Variants in RBKS observed in about 807,000 individuals in gnomAD.
The protein encoded by RBKS is ribokinase.
In RBKS, 33 loss-of-function variants were observed where a neutral mutation model predicts 33.9. The observed-to-expected ratio is 0.97, with a 90% CI of 0.74 to 1.30. The LOEUF (loss-of-function observed/expected upper bound fraction) is 1.30. RBKS is among the 50% of genes most tolerant of loss of function. The pLI is 0.00. For synonymous variants in RBKS, 125 were observed against 143.0 expected, an observed-to-expected ratio of 0.87 and a Z score of 0.90; for missense variants, 361 against 392.6, an observed-to-expected ratio of 0.92 and a Z score of 0.68.
chr2:27,802,297 G>A (rs559272418), intron 7 of RBKS, among the ~76,000 whole-genome samples: 8 of 151,976 alleles, frequency 5.3e-5, no homozygotes, highest in Non-Finnish European at 1.2e-4. Flanking sequence ...AATTCAACAT[G>A]AGATTTAGCA....
chr2:27,883,658 G>A (rs1472351865), intron 1 of RBKS, among the ~76,000 whole-genome samples: 2 of 152,114 alleles, frequency 1.3e-5, no homozygotes, highest in Non-Finnish European at 2.9e-5. Flanking sequence ...AGCTGGCAAA[G>A]GAATGGATTG....
At chr2:27,843,331 C>T (rs1366123003) in intron 4 of RBKS, 100 bp from the exon 5 acceptor site, 6 of 860,188 alleles carry the variant, frequency 7.0e-6, no homozygotes, top group Non-Finnish European at 1.0e-5. Context: ...AGTCATTATA[C>T]AAAATGTGTT....
chr2:27,835,419 C>A, intron 5 of RBKS, among the ~76,000 whole-genome samples: 1 of 113,220 alleles, frequency 8.8e-6, no homozygotes, highest in Admixed American at 9.9e-5. Flanking sequence ...TTTGTACTAC[C>A]CACCCACCCC....
chr2:27,801,464 T>TACATACACAC (rs1231907303), intron 7 of RBKS, among the ~76,000 whole-genome samples: 4 of 136,260 alleles, frequency 2.9e-5, no homozygotes, highest in Admixed American at 2.2e-4. Context: ...GGCCACAGTA[T>TACATACACAC]ACACACACAC....
chr2:27,854,378 G>T (rs1209569578), intron 2 of RBKS, among the ~76,000 whole-genome samples: 1 of 152,186 alleles, frequency 6.6e-6, no homozygotes, highest in African/African-American at 2.4e-5. Flanking sequence ...TACCGAGTTA[G>T]GAGGCCAGCA....
At chr2:27,812,302 G>A (rs941654652) in intron 7 of RBKS, among the ~76,000 whole-genome samples, 5 of 152,102 alleles carry the variant, frequency 3.3e-5, no homozygotes, top group African/African-American at 1.2e-4. Flanking sequence ...ACAGTGTGGC[G>A]ATTCCTCAAG....
chr2:27,858,601 G>A (rs1048051683), intron 1 of RBKS, 30 bp from the exon 2 acceptor site: 3 of 1,599,190 alleles, frequency 1.9e-6, no homozygotes, highest in Non-Finnish European at 1.7e-6. Flanking sequence ...GAAGAAAAAA[G>A]CATATTGGTA....
At chr2:27,862,994 G>A (rs1479969983) in intron 1 of RBKS, among the ~76,000 whole-genome samples, 1 of 138,046 alleles carries the variant, frequency 7.2e-6, no homozygotes, top group Non-Finnish European at 1.5e-5. Context: ...ACTATGATTT[G>A]TTCTAATTAA....
At chr2:27,830,521 C>A (rs1002938355) in intron 6 of RBKS, among the ~76,000 whole-genome samples, 7 of 152,172 alleles carry the variant, frequency 4.6e-5, no homozygotes, top group Admixed American at 1.3e-4. Context: ...ACCTTGGCCT[C>A]CCAAAGTGCT....
chr2:27,858,589 G>C lies in RBKS; in HGVS notation c.90-18C>G. On this transcript the variant is annotated intron_variant, in intron 1 of 7. Transcript: ENST00000302188. ...AAGTAAGACTATTGTAATTTAAAAA[G>C]AGAAGAAAAAAGCATATTGGTAACT... 1 of 1,606,064 alleles carries C rather than the reference G, an allele frequency of 6.2e-7. No homozygotes were observed. The highest frequency in any genetic ancestry group is 1.7e-5 in the Admixed American group (1 of 58,300).
At chr2:27,871,800 G>A (rs906901045) in intron 1 of RBKS, among the ~76,000 whole-genome samples, 3 of 152,168 alleles carry the variant, frequency 2.0e-5, no homozygotes, top group African/African-American at 7.2e-5. Context: ...CACTGATAGG[G>A]TTTTGATATA....
chr2:27,859,946 C>G (rs1467429237), intron 1 of RBKS, among the ~76,000 whole-genome samples: 1 of 152,158 alleles, frequency 6.6e-6, no homozygotes, highest in Non-Finnish European at 1.5e-5. Flanking sequence ...CAATAAAGAC[C>G]AAGCTCAACC....
intron 5 of RBKS, among the ~76,000 whole-genome samples, chr2:27,839,208 TAAG>T (rs747203444): frequency 2.6e-5 from 4 of 152,210 alleles, no homozygotes; most frequent in Non-Finnish European, 5.9e-5. Context: ...GATGGCCAGA[TAAG>T]AAGTTTTGTT....
chr2:27,794,815 G>C (rs1036554665), intron 7 of RBKS, among the ~76,000 whole-genome samples: 8 of 151,996 alleles, frequency 5.3e-5, no homozygotes, highest in Non-Finnish European at 1.0e-4. Flanking sequence ...GTAGAGACAG[G>C]GTTTCAACAT....
intron 5 of RBKS, among the ~76,000 whole-genome samples, chr2:27,842,297 G>A (rs1245937151): frequency 6.6e-6 from 1 of 152,154 alleles, no homozygotes; most frequent in Non-Finnish European, 1.5e-5. Flanking sequence ...TTAGCTACAG[G>A]TTGATAACTG....
At chr2:27,873,996 A>G (rs1251232991) in intron 1 of RBKS, among the ~76,000 whole-genome samples, 5 of 152,222 alleles carry the variant, frequency 3.3e-5, no homozygotes, top group Non-Finnish European at 5.9e-5. Flanking sequence ...TAGTGATATA[A>G]AAATCATAAA....
intron 7 of RBKS, among the ~76,000 whole-genome samples, chr2:27,785,442 C>T (rs1677378703): frequency 6.6e-6 from 1 of 152,128 alleles, no homozygotes; most frequent in Non-Finnish European, 1.5e-5. Flanking sequence ...AGGTAATAAA[C>T]ACACGAAAAG....
rs753976929 is a variant in RBKS, at chr2:27,848,027, AT to A, written c.286+6del. 5 of 1,415,998 alleles carry A rather than the reference AT, an allele frequency of 3.5e-6. No individual in the cohort carries two copies. The highest frequency in any genetic ancestry group is 4.9e-6 in the Non-Finnish European group (5 of 1,019,054). 87.7% of individuals were successfully genotyped at this position (1,415,998 alleles called of 1,614,324 possible). A position where few individuals can be genotyped will look rare whatever the true frequency, so the allele number is the denominator to read the frequency against. On this transcript the variant is annotated splice_donor_region_variant and intron_variant, in intron 3 of 7. Coordinates refer to ENST00000302188, the MANE Select transcript of RBKS (RefSeq NM_022128.3). ...AACACTAACTTTAAAAAAGGTGGGA[AT>A]TTTACCTGTAGAAATATCATTCTGT...
intron 7 of RBKS, among the ~76,000 whole-genome samples, chr2:27,819,356 C>T (rs1016506993): frequency 1.3e-5 from 2 of 152,132 alleles, no homozygotes; most frequent in Admixed American, 6.5e-5. Flanking sequence ...CCCTTATGAC[C>T]TCATTTAACC....
Sources: allele counts gnomAD v4.1 joint callset (sites outside exome capture counted in the v4.1 genomes callset), GRCh38; gene constraint gnomAD v4.1.1; transcripts MANE v1.5; gene names NCBI Gene and HGNC (gene_info 2026-07-23, HGNC 2026-07-21).